The following TNS1 variants were observed in gnomAD, a reference collection of about 807,000 sequenced individuals.
TNS1 encodes tensin 1.
A neutral mutation model predicts 168.6 loss-of-function variants in TNS1; 62 were observed. The observed-to-expected ratio is 0.37, with a 90% CI of 0.30 to 0.45. TNS1 has a LOEUF of 0.45. Ranked by LOEUF, TNS1 falls within the 20% of genes least tolerant of loss-of-function variation. The probability of loss-of-function intolerance (pLI) is 1.00; values close to 1 mark genes in which losing one functional copy is unlikely to be tolerated. For missense variants in TNS1, 2,240 were observed against 2,339.4 expected (o/e 0.96, Z 0.88); for synonymous variants, 934 against 933.2 (o/e 1.00, Z -0.02).
intron 22 of TNS1, chr2:217,830,367 C>T: frequency 6.2e-7 from 1 of 1,614,188 alleles, no homozygotes. Context: ...GCCCACCTAC[C>T]TGGCTGGATC....
At position 217,804,430 on chromosome 2, in the gene TNS1, T is replaced by C; in HGVS notation, c.*29A>G. On this transcript the variant is annotated 3_prime_UTR_variant, in exon 33 of 33. Coordinates refer to ENST00000682258, the MANE Select transcript of TNS1 (RefSeq NM_001387777.1). ...CCCCTCCCCACAAGCCCCTTCCCCA[T>C]GGCACTGGCCCTGGGCAAGGGGCAG... is the stretch of plus-strand genomic sequence containing the variant. The C allele has an allele frequency of 6.2e-7, 1 of 1,613,242 alleles. No homozygotes were observed.
At chr2:217,896,188 G>T (rs887953216) in intron 8 of TNS1, among the ~76,000 whole-genome samples, 1 of 152,232 alleles carries the variant, frequency 6.6e-6, no homozygotes, top group Admixed American at 6.5e-5. Flanking sequence ...GGCAGAGCCA[G>T]AATTTGAACC....
At chr2:217,866,396 G>A (rs1227236890) in intron 18 of TNS1, among the ~76,000 whole-genome samples, 1 of 152,106 alleles carries the variant, frequency 6.6e-6, no homozygotes, top group Non-Finnish European at 1.5e-5. Flanking sequence ...GACTTGGCAG[G>A]CCTGTATCTC....
At chr2:217,845,907 C>G (rs570139748) in intron 19 of TNS1, among the ~76,000 whole-genome samples, 36 of 152,230 alleles carry the variant, frequency 2.4e-4, no homozygotes, top group Non-Finnish European at 4.4e-4. Flanking sequence ...ATTAGACTAG[C>G]GTGTCACTAA....
intron 24 of TNS1, chr2:217,815,283 G>T (rs1045217670): frequency 7.6e-5 from 27 of 355,246 alleles, no homozygotes; most frequent in Non-Finnish European, 1.2e-4. Flanking sequence ...ACATGCCAAG[G>T]GACACCAAGG....
At chr2:217,900,592 G>A (rs1193345299) in intron 6 of TNS1, 80 bp from the exon 7 acceptor site, 1 of 1,379,576 alleles carries the variant, frequency 7.2e-7, no homozygotes, top group Non-Finnish European at 9.9e-7. Context: ...GCTGTCCACG[G>A]GGGCAAACAT....
rs71403015 is a variant in TNS1, at chr2:217,804,256, T to TTCTC, written c.*199_*202dup. ...GAATCCAAGTTCTTCTCCTCCATCT[T>TTCTC]TCTCTCTCTCTCTCTCTCTCTCTCT... is the stretch of plus-strand genomic sequence containing the variant. On this transcript the variant is annotated 3_prime_UTR_variant, in exon 33 of 33. Coordinates refer to ENST00000682258, the MANE Select transcript of TNS1 (RefSeq NM_001387777.1). 0.23 allele frequency: 95,014 copies of TTCTC among 412,092 alleles called. 7,538 individuals are homozygous for TTCTC. The highest frequency in any genetic ancestry group is 0.27 in the Non-Finnish European group (61,954 of 226,988). The allele number at this position is 412,092 out of a possible 1,614,324, so 25.5% of individuals were successfully genotyped here. A position where few individuals can be genotyped will look rare whatever the true frequency, so the allele number is the denominator to read the frequency against.
intron 21 of TNS1, among the ~76,000 whole-genome samples, chr2:217,833,958 T>C (rs539509785): frequency 2.5e-4 from 38 of 152,394 alleles, no homozygotes; most frequent in African/African-American, 8.9e-4. Context: ...TATTTGCCTA[T>C]TGAAAGGATA....
intron 1 of TNS1, among the ~76,000 whole-genome samples, chr2:218,016,576 G>A (rs1483886005): frequency 3.3e-5 from 5 of 152,136 alleles, no homozygotes; most frequent in African/African-American, 7.2e-5. Context: ...CACTCAGCCC[G>A]GGGCCCTCAG....
rs1937214343 is a variant in TNS1, at chr2:217,799,867, G to T, written c.*4592C>A. On this transcript the variant is annotated 3_prime_UTR_variant, in exon 33 of 33. Coordinates refer to ENST00000682258, the MANE Select transcript of TNS1 (RefSeq NM_001387777.1). ...AACAAAGCAGCTGTACAGGAGTGGG[G>T]ACGCGTCAGTGTACAATACATTCAT... 1 of 152,176 alleles carries T rather than the reference G, an allele frequency of 6.6e-6. No individual in the cohort carries two copies. Among genetic ancestry groups the T allele is most frequent in the Non-Finnish European group, 1.5e-5 (1 of 68,038 alleles). 9.4% of individuals were successfully genotyped at this position (152,176 alleles called of 1,614,324 possible).
chr2:217,928,669 A>G (rs898845437), intron 3 of TNS1, among the ~76,000 whole-genome samples: 1 of 152,088 alleles, frequency 6.6e-6, no homozygotes, highest in African/African-American at 2.4e-5. Flanking sequence ...GGGCTGACTC[A>G]CCAAGGCCCC....
intron 3 of TNS1, 87 bp from the exon 4 acceptor site, chr2:217,920,323 C>G (rs1040932599): frequency 4.3e-6 from 3 of 698,712 alleles, no homozygotes; most frequent in Non-Finnish European, 7.8e-6. Flanking sequence ...ACACCTCCCC[C>G]TGCTTCATTC....
At chr2:217,885,950 T>G in intron 14 of TNS1, 94 bp downstream of exon 14, 1 of 1,563,826 alleles carries the variant, frequency 6.4e-7, no homozygotes, top group Non-Finnish European at 8.8e-7. Context: ...TTCAGCCCTC[T>G]TGAGAATATT....
At chr2:217,805,646 A>AC (rs1938773407) in intron 32 of TNS1, among the ~76,000 whole-genome samples, 1 of 31,384 alleles carries the variant, frequency 3.2e-5, no homozygotes, top group Non-Finnish European at 7.1e-5. Flanking sequence ...CACACACATC[A>AC]CACACACACA....
chr2:217,932,070 G>A (rs370428009), intron 3 of TNS1, among the ~76,000 whole-genome samples: 9 of 152,154 alleles, frequency 5.9e-5, no homozygotes, highest in Admixed American at 2.0e-4. Context: ...TTCCCTGGAC[G>A]TCCCCAGAGG....
intron 18 of TNS1, among the ~76,000 whole-genome samples, chr2:217,853,388 G>A (rs527616343): frequency 2.6e-5 from 4 of 152,300 alleles, no homozygotes; most frequent in African/African-American, 9.6e-5. Flanking sequence ...GATGAGAGGA[G>A]GCTGGACATC....
rs1309810383 is a variant in TNS1 at position 217,813,479 on chromosome 2, C to T, written c.4862-172G>A. On this transcript the variant is annotated intron_variant, in intron 26 of 32. Transcript: ENST00000682258. This position sits in a 1 kb window ranked among gnomAD's most constrained non-coding sequence, Gnocchi z 4.0. ...TGCAGAGCCCACTGCTGCTCTCCCA[C>T]CCCTCAGGAAACACATGGCAGGCAC... Among the ~76,000 whole-genome samples, 2 of 152,186 alleles carry T rather than the reference C, an allele frequency of 1.3e-5. No homozygotes were observed. Among genetic ancestry groups the T allele is most frequent in the Admixed American group, 1.3e-4 (2 of 15,286 alleles).
chr2:218,002,787 G>A (rs987520985), intron 1 of TNS1, 53 bp downstream of exon 1: 7 of 456,320 alleles, frequency 1.5e-5, no homozygotes, highest in Non-Finnish European at 2.2e-5. Context: ...GGGCCGGTGG[G>A]GGGCGGGGGG....
chr2:217,858,627 G>A (rs926866369), intron 18 of TNS1: 19 of 950,912 alleles, frequency 2.0e-5, no homozygotes, highest in East Asian at 1.2e-4. Flanking sequence ...AGCTCCCTCC[G>A]ACTGTCAGGG....
Sources: gnomAD v4.1 joint callset for allele counts (sites outside exome capture counted in the v4.1 genomes callset) on GRCh38, gnomAD v4.1.1 for gene constraint, Gnocchi (gnomAD v3.1) non-coding constraint, MANE v1.5 for transcripts, NCBI Gene and HGNC (gene_info 2026-07-23, HGNC 2026-07-21) for gene names.